LDLRAD4: variants seen among roughly 807,000 people sequenced by gnomAD.
LDLRAD4 encodes the protein low-density lipoprotein receptor class A domain-containing protein 4.
Under a neutral mutation model 17.0 loss-of-function variants are expected in LDLRAD4, and 5 were observed. That is an observed-to-expected ratio of 0.29 (90% CI 0.15 to 0.62). The LOEUF (loss-of-function observed/expected upper bound fraction) is 0.62. Among genes scored for constraint, LDLRAD4 ranks in the 20% least tolerant of loss-of-function variants. The pLI is 0.84. For missense variants in LDLRAD4, 340 were observed against 424.7 expected (o/e 0.80, Z 1.75); for synonymous variants, 168 against 171.8 (o/e 0.98, Z 0.17).
At chr18:13,590,827 G>A (rs2095016468) in intron 3 of LDLRAD4, among the ~76,000 whole-genome samples, 1 of 152,192 alleles carries the variant, frequency 6.6e-6, no homozygotes, top group Non-Finnish European at 1.5e-5. Context: ...CATCTTATGT[G>A]CAAAAGTAAT....
chr18:13,589,524 G>A (rs1316824824), intron 3 of LDLRAD4, among the ~76,000 whole-genome samples: 1 of 152,218 alleles, frequency 6.6e-6, no homozygotes, highest in East Asian at 1.9e-4. Context: ...TTGCTGGTGT[G>A]TTCCTGGGAT....
chr18:13,408,467 A>T (rs866594272), intron 2 of LDLRAD4, among the ~76,000 whole-genome samples: 10 of 150,778 alleles, frequency 6.6e-5, no homozygotes, highest in South Asian at 2.1e-4. Flanking sequence ...TTTTTTTTAA[A>T]TTTTTTTTAT....
At chr18:13,579,718 A>G (rs1413437419) in intron 3 of LDLRAD4, among the ~76,000 whole-genome samples, 1 of 152,242 alleles carries the variant, frequency 6.6e-6, no homozygotes, top group African/African-American at 2.4e-5. Flanking sequence ...ACCTTTGCCT[A>G]TCACAAGAAT....
At chr18:13,361,537 A>C (rs1340235550) in intron 1 of LDLRAD4, among the ~76,000 whole-genome samples, 14 of 152,200 alleles carry the variant, frequency 9.2e-5, no homozygotes, top group Non-Finnish European at 1.5e-5. Flanking sequence ...GCCTTAAGCC[A>C]GATTTCTGTT....
intron 1 of LDLRAD4, among the ~76,000 whole-genome samples, chr18:13,301,940 C>A (rs1479247998): frequency 6.6e-6 from 1 of 152,174 alleles, no homozygotes; most frequent in African/African-American, 2.4e-5. Flanking sequence ...CTCCTGACCG[C>A]CTACCAAGTG....
At chr18:13,523,329 G>A (rs1258486442) in intron 3 of LDLRAD4, among the ~76,000 whole-genome samples, 1 of 152,238 alleles carries the variant, frequency 6.6e-6, no homozygotes, top group African/African-American at 2.4e-5. Context: ...GGGACATGCA[G>A]CAGTCTCAGA....
At chr18:13,269,415 T>C (rs559618522) in intron 1 of LDLRAD4, among the ~76,000 whole-genome samples, 28 of 152,226 alleles carry the variant, frequency 1.8e-4, no homozygotes, top group South Asian at 8.3e-4. Context: ...TTACACACAG[T>C]GACAATCTTT....
chr18:13,288,312 T>C (rs1349564333), intron 1 of LDLRAD4, among the ~76,000 whole-genome samples: 1 of 152,242 alleles, frequency 6.6e-6, no homozygotes, highest in Non-Finnish European at 1.5e-5. Flanking sequence ...TAGCCAAAAT[T>C]ACACTGATAA....
At chr18:13,372,565 G>A (rs1272282162) in intron 1 of LDLRAD4, among the ~76,000 whole-genome samples, 4 of 152,192 alleles carry the variant, frequency 2.6e-5, no homozygotes, top group African/African-American at 4.8e-5. Flanking sequence ...TGGGATGGGC[G>A]TGCTGGGAAT....
intron 1 of LDLRAD4, among the ~76,000 whole-genome samples, chr18:13,282,975 G>A (rs931688514): frequency 6.6e-6 from 1 of 152,228 alleles, no homozygotes; most frequent in South Asian, 2.1e-4. Context: ...AAGCTGCCAA[G>A]GCTTGGGGCT....
intron 3 of LDLRAD4, among the ~76,000 whole-genome samples, chr18:13,601,019 C>A (rs2095154608): frequency 6.6e-6 from 1 of 152,096 alleles, no homozygotes; most frequent in Non-Finnish European, 1.5e-5. Context: ...CACTATCAGG[C>A]CTTTAGGGAG....
intron 3 of LDLRAD4, among the ~76,000 whole-genome samples, chr18:13,559,897 C>T (rs1027141607): frequency 2.2e-4 from 16 of 74,368 alleles, no homozygotes; most frequent in African/African-American, 6.6e-4. Flanking sequence ...ATCCAGACAG[C>T]ACTTTGCTGC....
chr18:13,387,524 C>T (rs1199361404), exon 2 of LDLRAD4: 13 of 526,216 alleles, frequency 2.5e-5, no homozygotes, highest in East Asian at 1.1e-4. Flanking sequence ...GAGCAGGGAC[C>T]GCCGCCGCCC....
chr18:13,254,289 T>TG (rs2145861868), intron 1 of LDLRAD4, among the ~76,000 whole-genome samples: 1 of 152,310 alleles, frequency 6.6e-6, no homozygotes, highest in South Asian at 2.1e-4. Flanking sequence ...GGGCCCCAGG[T>TG]GGACTCAGGG....
upstream of LDLRAD4, among the ~76,000 whole-genome samples, chr18:13,277,386 G>T (rs1005886749): frequency 1.3e-5 from 2 of 152,230 alleles, no homozygotes; most frequent in African/African-American, 2.4e-5. Context: ...GCTCGAGGCG[G>T]TCACCCGAGG....
At chr18:13,468,327 G>A (rs1223299905) in intron 3 of LDLRAD4, among the ~76,000 whole-genome samples, 2 of 152,132 alleles carry the variant, frequency 1.3e-5, no homozygotes, top group African/African-American at 4.8e-5. Context: ...TCAGAATGGC[G>A]ATCATTAAAA....
At chr18:13,576,997 G>C (rs367591024) in intron 3 of LDLRAD4, among the ~76,000 whole-genome samples, 1 of 152,196 alleles carries the variant, frequency 6.6e-6, no homozygotes, top group African/African-American at 2.4e-5. Flanking sequence ...ATATGATCAG[G>C]TGTCTTGACC....
At chr18:13,538,089 A>G (rs2094224295) in intron 3 of LDLRAD4, among the ~76,000 whole-genome samples, 1 of 152,166 alleles carries the variant, frequency 6.6e-6, no homozygotes, top group African/African-American at 2.4e-5. Context: ...CAGTCTAGCT[A>G]GAGAACTTAT....
At chr18:13,425,485 A>AATTTAGCAGAATTTAGCTC (rs1359703582) in intron 2 of LDLRAD4, among the ~76,000 whole-genome samples, 4 of 152,180 alleles carry the variant, frequency 2.6e-5, no homozygotes, top group Non-Finnish European at 5.9e-5. Flanking sequence ...AGCAGAATTA[A>AATTTAGCAGAATTTAGCTC]AGCTCAGCTG....
Sources: allele counts gnomAD v4.1 joint callset (sites outside exome capture counted in the v4.1 genomes callset), GRCh38; gene constraint gnomAD v4.1.1; transcripts MANE v1.5; gene names NCBI Gene and HGNC (gene_info 2026-07-23, HGNC 2026-07-21).